The following GNB1 variants were observed in gnomAD, a reference collection of about 807,000 sequenced individuals.
GNB1 encodes guanine nucleotide-binding protein G(I)/G(S)/G(T) subunit beta-1.
In GNB1, 2 loss-of-function variants were observed where a neutral mutation model predicts 42.9. The ratio of observed to expected loss-of-function variants is 0.05; its 90% CI spans 0.02 to 0.15. The LOEUF (loss-of-function observed/expected upper bound fraction) is 0.15. Among genes scored for constraint, GNB1 ranks in the 10% least tolerant of loss-of-function variants. The pLI is 1.00. For missense variants in GNB1, 193 were observed against 462.2 expected (o/e 0.42, Z 5.34); for synonymous variants, 183 against 174.7 (o/e 1.05, Z -0.38).
At chr1:1,880,240 G>A (rs946967574) in intron 1 of GNB1, among the ~76,000 whole-genome samples, 2 of 152,136 alleles carry the variant, frequency 1.3e-5, no homozygotes, top group African/African-American at 4.8e-5. Context: ...GCCAAGAACA[G>A]TATTTCTATA....
chr1:1,827,893 CTG>C (rs1426357184), intron 2 of GNB1, among the ~76,000 whole-genome samples: 1 of 152,150 alleles, frequency 6.6e-6, no homozygotes, highest in Non-Finnish European at 1.5e-5. Flanking sequence ...CCGAATTAAA[CTG>C]TTTTAGTTAA....
intron 1 of GNB1, among the ~76,000 whole-genome samples, chr1:1,864,164 T>C (rs1280971868): frequency 6.7e-6 from 1 of 148,706 alleles, no homozygotes; most frequent in Non-Finnish European, 1.5e-5. Context: ...CTACTAAATA[T>C]ACAAAAAAAT....
At chr1:1,840,454 G>A (rs576717759) in intron 1 of GNB1, among the ~76,000 whole-genome samples, 2 of 152,354 alleles carry the variant, frequency 1.3e-5, no homozygotes, top group African/African-American at 4.8e-5. Context: ...CTTGAACACA[G>A]GAGGCGGAGA....
At chr1:1,791,172 A>AC (rs112081596) in intron 8 of GNB1, among the ~76,000 whole-genome samples, 2 of 141,928 alleles carry the variant, frequency 1.4e-5, no homozygotes, top group Non-Finnish European at 3.0e-5. Flanking sequence ...CACACCTGGT[A>AC]TTTTTTTTTT....
intron 1 of GNB1, among the ~76,000 whole-genome samples, chr1:1,860,941 CT>C (rs1374583782): frequency 6.6e-6 from 1 of 151,822 alleles, no homozygotes; most frequent in Non-Finnish European, 1.5e-5. Flanking sequence ...AACTCCATGT[CT>C]ACTAAAAATA....
rs770756474 is a variant in GNB1 at position 1,806,433 on chromosome 1, C to A, written c.267+42G>T. 10 of 1,176,776 alleles carry A rather than the reference C, an allele frequency of 8.5e-6. No homozygotes were observed. In the South Asian group the frequency reaches 1.2e-4, roughly 14 times the overall value. The allele number at this position is 1,176,776 out of a possible 1,614,324, so 72.9% of individuals were successfully genotyped here. On this transcript the variant is annotated intron_variant, in intron 6 of 11. Transcript: ENST00000378609. ...GAATCCAGAGCTTAAAACCCTGTTT[C>A]CTGGGTTGGTTTTTCAAGGAAGGGA...
Position 1,791,417 on chromosome 1 carries a change from C to T in GNB1, c.498-821G>A, listed in dbSNP as rs369208407. 1.0e-3 allele frequency among the ~76,000 whole-genome samples: 155 copies of T among 152,220 alleles called. 3 individuals carry two copies. The South Asian group carries it at 0.016, about 16-fold the overall frequency. ...CTCGAACTCCTGACCTCAGGTGATC[C>T]GCCCGCCTCGGCCTCCCAAAGTGCT... On this transcript the variant is annotated intron_variant, in intron 8 of 11. Transcript: ENST00000378609.
intron 1 of GNB1, among the ~76,000 whole-genome samples, chr1:1,877,160 C>G (rs967820772): frequency 3.3e-5 from 5 of 151,724 alleles, no homozygotes; most frequent in Non-Finnish European, 1.5e-5. Context: ...ATTAGCCAGG[C>G]ATGGTGGTGT....
intron 1 of GNB1, among the ~76,000 whole-genome samples, chr1:1,851,129 G>T (rs534525069): frequency 2.0e-5 from 3 of 152,256 alleles, no homozygotes; most frequent in African/African-American, 7.2e-5. Context: ...TTAGCAAGGC[G>T]CCAGGCGCGG....
rs1268153523 is a variant in GNB1 at position 1,820,012 on chromosome 1, C to A, written c.58-2137G>T. ...GGCTTTTGGGGCAAACTGCTCACTG[C>A]AAATGATTTCTACTTTAGGAAGCTT... On this transcript the variant is annotated intron_variant, in intron 3 of 11. Transcript: ENST00000378609. Among the ~76,000 whole-genome samples the A allele has an allele frequency of 2.0e-5, 3 of 152,180 alleles. No individual in the cohort carries two copies. In the East Asian group the frequency reaches 5.8e-4, roughly 29 times the overall value.
chr1:1,882,891 A>C (rs967038365), intron 1 of GNB1, among the ~76,000 whole-genome samples: 1 of 151,972 alleles, frequency 6.6e-6, no homozygotes, highest in Admixed American at 6.6e-5. Context: ...ACTGCACTCC[A>C]GCCTGGGTGA....
chr1:1,804,391 C>T lies in GNB1; in HGVS notation c.430+28G>A, dbSNP rs181574301. The T allele has an allele frequency of 2.7e-5, 42 of 1,577,410 alleles. No homozygotes were observed. In the African/African-American group the frequency reaches 5.2e-4, roughly 20 times the overall value. On this transcript the variant is annotated intron_variant, in intron 7 of 11. Coordinates refer to ENST00000378609, the MANE Select transcript of GNB1 (RefSeq NM_002074.5). ...TACCCCAGGTAAACAGCTTGTGTCA[C>T]TTGAAGCTTATGAACAAGGACAGGT...
At chr1:1,822,801 A>C (rs1646949620) in intron 3 of GNB1, among the ~76,000 whole-genome samples, 1 of 152,036 alleles carries the variant, frequency 6.6e-6, no homozygotes, top group East Asian at 1.9e-4. Flanking sequence ...GGTGTCTTTC[A>C]CCTGTGCCAT....
intron 1 of GNB1, among the ~76,000 whole-genome samples, chr1:1,845,139 C>T (rs554167235): frequency 2.6e-5 from 4 of 152,170 alleles, no homozygotes; most frequent in Admixed American, 2.6e-4. Context: ...GATAACAATA[C>T]CTGTAAAACA....
chr1:1,813,608 G>A (rs1029269668), intron 5 of GNB1, among the ~76,000 whole-genome samples: 1 of 151,698 alleles, frequency 6.6e-6, no homozygotes, highest in Non-Finnish European at 1.5e-5. Flanking sequence ...CTCCCACCTC[G>A]GCCTCCTAAG....
intron 1 of GNB1, among the ~76,000 whole-genome samples, chr1:1,889,318 CAG>C (rs1393692748): frequency 6.6e-6 from 1 of 152,138 alleles, no homozygotes; most frequent in Non-Finnish European, 1.5e-5. Context: ...CTAATGTTAT[CAG>C]ATAGATAGCA....
intron 1 of GNB1, among the ~76,000 whole-genome samples, chr1:1,879,917 G>C (rs1407464983): frequency 6.6e-6 from 1 of 151,994 alleles, no homozygotes; most frequent in African/African-American, 2.4e-5. Flanking sequence ...AAAAAGAAAA[G>C]AGCTGTTTTT....
At chr1:1,889,502 A>G (rs931679882) in intron 1 of GNB1, among the ~76,000 whole-genome samples, 1 of 152,142 alleles carries the variant, frequency 6.6e-6, no homozygotes, top group African/African-American at 2.4e-5. Context: ...CCATTTCACA[A>G]TCTTAAGAAA....
intron 2 of GNB1, among the ~76,000 whole-genome samples, chr1:1,828,935 A>G (rs908212963): frequency 2.0e-5 from 3 of 152,196 alleles, no homozygotes; most frequent in African/African-American, 7.2e-5. Flanking sequence ...CAATAAAAAT[A>G]AATTTCCTGG....
Sources: allele counts gnomAD v4.1 joint callset (sites outside exome capture counted in the v4.1 genomes callset), GRCh38; gene constraint gnomAD v4.1.1; transcripts MANE v1.5; gene names NCBI Gene and HGNC (gene_info 2026-07-23, HGNC 2026-07-21).